Variants in SLC35F3 observed in about 807,000 individuals in gnomAD.
SLC35F3 encodes the protein solute carrier family 35 member F3.
A neutral mutation model predicts 49.9 loss-of-function variants in SLC35F3; 25 were observed. The observed-to-expected ratio is 0.50, with a 90% CI of 0.37 to 0.70. The LOEUF is 0.70. Among genes scored for constraint, SLC35F3 ranks in the 30% least tolerant of loss-of-function variants. The pLI, the probability that SLC35F3 is intolerant of heterozygous loss-of-function variation, is 0.00. For missense variants in SLC35F3, 525 were observed against 639.8 expected (o/e 0.82, Z 1.94); for synonymous variants, 275 against 265.4 (o/e 1.04, Z -0.35).
chr1:234,177,192 CCA>C (rs1666489246), intron 2 of SLC35F3, among the ~76,000 whole-genome samples: 1 of 152,322 alleles, frequency 6.6e-6, no homozygotes, highest in South Asian at 2.1e-4. Context: ...CTGCTGCCAT[CCA>C]TGTAAGATGT....
At chr1:233,938,683 TGGA>T (rs1300481605) in intron 2 of SLC35F3, among the ~76,000 whole-genome samples, 2 of 151,004 alleles carry the variant, frequency 1.3e-5, no homozygotes, top group African/African-American at 4.9e-5. Context: ...GGTGGATGGA[TGGA>T]TGGATGGATG....
Position 233,943,307 on chromosome 1 carries a change from G to A in SLC35F3, c.283+37549G>A, listed in dbSNP as rs115397236. 2.0e-3 allele frequency among the ~76,000 whole-genome samples: 299 copies of A among 152,278 alleles called. 3 individuals are homozygous for A. The highest frequency in any genetic ancestry group is 7.0e-3 in the African/African-American group (290 of 41,562). On this transcript the variant is annotated intron_variant, in intron 2 of 7. Transcript: ENST00000366618. ...AAGGGAATTTGGTAATTTTCTGCAG[G>A]GAAAGTGGTGAAATAATCTTGTTCA...
At chr1:233,963,957 G>T (rs895181321) in intron 2 of SLC35F3, among the ~76,000 whole-genome samples, 4 of 152,216 alleles carry the variant, frequency 2.6e-5, no homozygotes, top group Admixed American at 1.3e-4. Flanking sequence ...CCAGATCTCA[G>T]CTTCTCCATA....
At chr1:234,028,996 A>T (rs1171159266) in intron 2 of SLC35F3, among the ~76,000 whole-genome samples, 1 of 152,230 alleles carries the variant, frequency 6.6e-6, no homozygotes, top group Non-Finnish European at 1.5e-5. Context: ...GAGGGACTTA[A>T]ATGGAAATAT....
chr1:234,299,525 G>A (rs116691433), intron 3 of SLC35F3, among the ~76,000 whole-genome samples: 9,050 of 152,150 alleles, frequency 0.059, 283 homozygotes, highest in South Asian at 0.1. Flanking sequence ...AACAAAGCAG[G>A]CCAGGCGTGG....
At chr1:234,050,590 C>T (rs1366309079) in intron 2 of SLC35F3, among the ~76,000 whole-genome samples, 1 of 152,138 alleles carries the variant, frequency 6.6e-6, no homozygotes, top group African/African-American at 2.4e-5. Context: ...TGTAAGTTGC[C>T]TGTTCACTCT....
intron 2 of SLC35F3, among the ~76,000 whole-genome samples, chr1:234,225,090 G>T (rs1667266066): frequency 6.6e-6 from 1 of 152,260 alleles, no homozygotes; most frequent in Non-Finnish European, 1.5e-5. Context: ...GAAAGGGCAA[G>T]TGGGTTGGGA....
At chr1:233,998,933 C>G (rs979617396) in intron 2 of SLC35F3, among the ~76,000 whole-genome samples, 1 of 152,162 alleles carries the variant, frequency 6.6e-6, no homozygotes, top group Non-Finnish European at 1.5e-5. Context: ...GTTTCTTCAC[C>G]TACAGAGTAC....
intron 5 of SLC35F3, among the ~76,000 whole-genome samples, chr1:234,317,354 A>G (rs1234526851): frequency 6.6e-6 from 1 of 151,880 alleles, no homozygotes; most frequent in Non-Finnish European, 1.5e-5. Flanking sequence ...TTCACCTCCT[A>G]CTTTATCAAG....
At chr1:234,054,197 G>C (rs1245665644) in intron 2 of SLC35F3, among the ~76,000 whole-genome samples, 1 of 152,212 alleles carries the variant, frequency 6.6e-6, no homozygotes, top group Non-Finnish European at 1.5e-5. Context: ...TGCCTTGCTA[G>C]GTTGGGGAAG....
chr1:234,313,624 G>A (rs1045548581), intron 4 of SLC35F3, among the ~76,000 whole-genome samples: 1 of 152,148 alleles, frequency 6.6e-6, no homozygotes, highest in African/African-American at 2.4e-5. Flanking sequence ...GGACAGGACA[G>A]TGTAAGGAAG....
chr1:233,954,075 C>T (rs1452017855), intron 2 of SLC35F3, among the ~76,000 whole-genome samples: 2 of 151,150 alleles, frequency 1.3e-5, no homozygotes, highest in Non-Finnish European at 2.9e-5. Context: ...GGCACAATCT[C>T]GGCTCACTGC....
At chr1:233,956,024 A>G (rs1256950964) in intron 2 of SLC35F3, among the ~76,000 whole-genome samples, 4 of 151,100 alleles carry the variant, frequency 2.6e-5, no homozygotes, top group Non-Finnish European at 5.9e-5. Context: ...AGTAGCTGGC[A>G]TTATAGGCAT....
chr1:233,926,002 G>A (rs1162863881), intron 2 of SLC35F3, among the ~76,000 whole-genome samples: 7 of 152,158 alleles, frequency 4.6e-5, no homozygotes, highest in Non-Finnish European at 8.8e-5. Flanking sequence ...TGGGAGAGCC[G>A]CTGTTAGTCT....
At chr1:234,018,767 T>G (rs1404716412) in intron 2 of SLC35F3, among the ~76,000 whole-genome samples, 1 of 152,212 alleles carries the variant, frequency 6.6e-6, no homozygotes, top group Non-Finnish European at 1.5e-5. Flanking sequence ...TCAATTGACT[T>G]TTCCTTGACT....
chr1:234,170,469 G>A (rs1469847594), intron 2 of SLC35F3, among the ~76,000 whole-genome samples: 4 of 151,986 alleles, frequency 2.6e-5, no homozygotes, highest in East Asian at 1.9e-4. Context: ...GTCCTTAGGC[G>A]GCTTCTTGGT....
At chr1:233,991,812 A>C (rs1028327171) in intron 2 of SLC35F3, among the ~76,000 whole-genome samples, 2 of 152,190 alleles carry the variant, frequency 1.3e-5, no homozygotes, top group Non-Finnish European at 2.9e-5. Context: ...CATCATCAGC[A>C]TCATCATTAT....
chr1:233,907,796 G>A (rs1661800339), intron 2 of SLC35F3, among the ~76,000 whole-genome samples: 1 of 152,008 alleles, frequency 6.6e-6, no homozygotes, highest in East Asian at 1.9e-4. Flanking sequence ...CATGATCTTG[G>A]CTCACTGCAA....
At chr1:233,939,701 A>G (rs1389442510) in intron 2 of SLC35F3, among the ~76,000 whole-genome samples, 1 of 152,168 alleles carries the variant, frequency 6.6e-6, no homozygotes, top group Admixed American at 6.5e-5. Flanking sequence ...GACAGTGCTG[A>G]TCCCTGCTCC....
Sources: gnomAD v4.1 joint callset for allele counts (sites outside exome capture counted in the v4.1 genomes callset) on GRCh38, gnomAD v4.1.1 for gene constraint, MANE v1.5 for transcripts, NCBI Gene and HGNC (gene_info 2026-07-23, HGNC 2026-07-21) for gene names.